The following CSTPP1 variants were observed in gnomAD, a reference collection of about 807,000 sequenced individuals.
CSTPP1 encodes the protein centriolar satellite-associated tubulin polyglutamylase complex regulator 1.
chr11:47,110,004 G>A, the CSTPP1 span, among the ~76,000 whole-genome samples: 1 of 152,234 alleles, frequency 6.6e-6, no homozygotes, highest in Non-Finnish European at 1.5e-5. Flanking sequence ...CATCTGGTGA[G>A]TTCTCAGCTC....
chr11:46,996,095 G>GCAACC, the CSTPP1 span, among the ~76,000 whole-genome samples: 2 of 152,046 alleles, frequency 1.3e-5, no homozygotes, highest in Non-Finnish European at 2.9e-5. Flanking sequence ...GACTAGGATT[G>GCAACC]CAACCCCTGC....
the CSTPP1 span, among the ~76,000 whole-genome samples, chr11:47,120,690 A>G: frequency 6.6e-6 from 1 of 152,212 alleles, no homozygotes; most frequent in East Asian, 1.9e-4. The surrounding 1 kb of genome is among the most constrained non-coding windows in gnomAD (Gnocchi z 4.2). Context: ...GCCTCTTGCT[A>G]GTTACGTAAC....
At chr11:47,030,158 A>G in the CSTPP1 span, among the ~76,000 whole-genome samples, 1 of 152,128 alleles carries the variant, frequency 6.6e-6, no homozygotes, top group African/African-American at 2.4e-5. Context: ...AAAAAAACCT[A>G]TCAGAAGACA....
At chr11:47,151,930 G>A in the CSTPP1 span, among the ~76,000 whole-genome samples, 1 of 151,930 alleles carries the variant, frequency 6.6e-6, no homozygotes, top group African/African-American at 2.4e-5. Context: ...CCACCCGTAG[G>A]ACTGTTGTAG....
chr11:47,056,577 G>C, the CSTPP1 span, among the ~76,000 whole-genome samples: 1 of 152,112 alleles, frequency 6.6e-6, no homozygotes, highest in Non-Finnish European at 1.5e-5. Context: ...TTTTATGCTG[G>C]CTGTTTATTG....
At chr11:47,016,406 A>AC in the CSTPP1 span, among the ~76,000 whole-genome samples, 2 of 150,394 alleles carry the variant, frequency 1.3e-5, no homozygotes, top group African/African-American at 5.0e-5. Flanking sequence ...ACAAAAAACA[A>AC]AAAACAAAAA....
the CSTPP1 span, chr11:47,103,737 CTA>C: frequency 7.8e-6 from 1 of 127,976 alleles, no homozygotes; most frequent in Admixed American, 1.0e-4. Context: ...TAAAGTGGTG[CTA>C]TCTCAGCTCA....
At chr11:47,053,661 G>A in the CSTPP1 span, among the ~76,000 whole-genome samples, 1 of 151,894 alleles carries the variant, frequency 6.6e-6, no homozygotes, top group African/African-American at 2.4e-5. Flanking sequence ...AGAAATTGGG[G>A]CTGGATGTGG....
chr11:47,137,391 C>G, the CSTPP1 span: 23 of 1,496,114 alleles, frequency 1.5e-5, no homozygotes, highest in Non-Finnish European at 2.0e-5. Context: ...TTCACCCGAC[C>G]AATTTTCATA....
At chr11:47,087,757 T>G in the CSTPP1 span, among the ~76,000 whole-genome samples, 3 of 152,160 alleles carry the variant, frequency 2.0e-5, no homozygotes, top group Admixed American at 2.0e-4. Flanking sequence ...TCTATTTCTG[T>G]GTTATAAATC....
At chr11:47,030,164 A>C in the CSTPP1 span, among the ~76,000 whole-genome samples, 1 of 152,156 alleles carries the variant, frequency 6.6e-6, no homozygotes, top group Non-Finnish European at 1.5e-5. Context: ...ACCTATCAGA[A>C]GACAAGTTCA....
At chr11:47,080,305 A>G in the CSTPP1 span, among the ~76,000 whole-genome samples, 1 of 152,018 alleles carries the variant, frequency 6.6e-6, no homozygotes. Flanking sequence ...AATACAAAAA[A>G]TTAGCCAGGG....
chr11:46,944,204 G>C, the CSTPP1 span, among the ~76,000 whole-genome samples: 1 of 150,724 alleles, frequency 6.6e-6, no homozygotes, highest in Non-Finnish European at 1.5e-5. Flanking sequence ...TATAGTCCCA[G>C]CTACTCAGGA....
the CSTPP1 span, among the ~76,000 whole-genome samples, chr11:47,021,907 A>G: frequency 6.4e-4 from 82 of 129,124 alleles, no homozygotes; most frequent in African/African-American, 2.0e-3. Context: ...TAGAAACCCA[A>G]TGACATCTTC....
the CSTPP1 span, among the ~76,000 whole-genome samples, chr11:47,017,201 G>T: frequency 5.5e-5 from 7 of 126,676 alleles, no homozygotes; most frequent in Non-Finnish European, 1.1e-4. Context: ...TTGAGATGGA[G>T]TCTCACTCTG....
chr11:47,081,057 T>C, the CSTPP1 span, among the ~76,000 whole-genome samples: 2 of 145,864 alleles, frequency 1.4e-5, no homozygotes, highest in South Asian at 2.2e-4. Context: ...GTAACAAGAA[T>C]ATGAAGAGAG....
chr11:47,066,814 A>C, the CSTPP1 span, among the ~76,000 whole-genome samples: 1 of 152,196 alleles, frequency 6.6e-6, no homozygotes, highest in Admixed American at 6.5e-5. Context: ...TTCACCAAAA[A>C]TTGGGTAATC....
chr11:46,960,897 T>A, the CSTPP1 span, among the ~76,000 whole-genome samples: 1 of 152,200 alleles, frequency 6.6e-6, no homozygotes, highest in African/African-American at 2.4e-5. Context: ...TGTAGGGTAT[T>A]TCAGCACTTC....
At chr11:46,945,503 T>C in the CSTPP1 span, among the ~76,000 whole-genome samples, 3 of 151,990 alleles carry the variant, frequency 2.0e-5, no homozygotes, top group African/African-American at 4.8e-5. Context: ...GAGTCCCAGC[T>C]ACTTGGGAGG....
Sources: gnomAD v4.1 joint callset for allele counts (sites outside exome capture counted in the v4.1 genomes callset) on GRCh38, gnomAD v4.1.1 for gene constraint, Gnocchi (gnomAD v3.1) non-coding constraint, MANE v1.5 for transcripts, NCBI Gene and HGNC (gene_info 2026-07-23, HGNC 2026-07-21) for gene names.